Variants in ANKRD17 observed in about 807,000 individuals in gnomAD.
ANKRD17 encodes the protein ankyrin repeat domain-containing protein 17.
In ANKRD17, 19 loss-of-function variants were observed where a neutral mutation model predicts 229.7. That is an observed-to-expected ratio of 0.08 (90% CI 0.06 to 0.12). The LOEUF is 0.12. Among genes scored for constraint, ANKRD17 ranks in the 10% least tolerant of loss-of-function variants. The pLI is 1.00. For missense variants in ANKRD17, 2,176 were observed against 3,176.8 expected (o/e 0.68, Z 7.57); for synonymous variants, 1,112 against 1,146.1 (o/e 0.97, Z 0.60).
Position 73,101,406 on chromosome 4 carries a change from G to A in ANKRD17, c.4573+970C>T, listed in dbSNP as rs189259937. 5.2e-4 allele frequency among the ~76,000 whole-genome samples: 79 copies of A among 152,274 alleles called. 2 individuals are homozygous for A. The East Asian group carries it at 9.3e-3, about 18-fold the overall frequency. ...GTGGCTGGCGCAGTGGCTCATGCCTGTAATCCCAGTACTTTGGGTGGCTGA... is the reference window on the plus strand; with the variant it reads ...GTGGCTGGCGCAGTGGCTCATGCCTATAATCCCAGTACTTTGGGTGGCTGA... On this transcript the variant is annotated intron_variant, in intron 25 of 33. Coordinates refer to ENST00000358602, the MANE Select transcript of ANKRD17 (RefSeq NM_032217.5).
intron 19 of ANKRD17, 40 bp from the exon 20 acceptor site, chr4:73,121,134 A>G (rs1289716088): frequency 2.6e-6 from 4 of 1,511,146 alleles, no homozygotes; most frequent in South Asian, 1.1e-5. Flanking sequence ...GGAAAAATAT[A>G]TATTTTAAAT....
chr4:73,142,446 C>A, intron 12 of ANKRD17, 61 bp from the exon 13 acceptor site: 1 of 1,577,368 alleles, frequency 6.3e-7, no homozygotes, highest in Non-Finnish European at 8.6e-7. Context: ...TTTACAGAAT[C>A]ACTTAGGAAG....
intron 18 of ANKRD17, among the ~76,000 whole-genome samples, chr4:73,124,288 G>GAAAA (rs59284237): frequency 6.2e-5 from 6 of 96,234 alleles, no homozygotes; most frequent in East Asian, 3.0e-4. Flanking sequence ...GACTGAATTT[G>GAAAA]AAAAAAAAAA....
intron 1 of ANKRD17, among the ~76,000 whole-genome samples, chr4:73,252,725 A>G (rs1010744404): frequency 6.6e-6 from 1 of 152,162 alleles, no homozygotes; most frequent in Non-Finnish European, 1.5e-5. Flanking sequence ...TGAAAAGTAA[A>G]TATTTTGAAA....
intron 1 of ANKRD17, among the ~76,000 whole-genome samples, chr4:73,179,517 T>TATAC: frequency 1.1e-5 from 1 of 87,486 alleles, no homozygotes; most frequent in Non-Finnish European, 2.4e-5. Context: ...TATATATATA[T>TATAC]ATTTTTTTTT....
chr4:73,249,766 G>C (rs1744820959), intron 1 of ANKRD17, among the ~76,000 whole-genome samples: 1 of 152,234 alleles, frequency 6.6e-6, no homozygotes, highest in East Asian at 1.9e-4. Context: ...TGAGGCAGAA[G>C]AATCACTTGA....
At chr4:73,139,450 T>C in intron 15 of ANKRD17, 81 bp downstream of exon 15, 2 of 1,505,956 alleles carry the variant, frequency 1.3e-6, no homozygotes, top group Non-Finnish European at 8.9e-7. Context: ...TCAAGTTGGG[T>C]AACGGCAAAA....
intron 1 of ANKRD17, among the ~76,000 whole-genome samples, chr4:73,179,890 G>A (rs868357133): frequency 1.3e-5 from 2 of 151,936 alleles, no homozygotes; most frequent in South Asian, 4.1e-4. Flanking sequence ...CAAAATTATA[G>A]CAGTAAAAAA....
chr4:73,190,127 G>A (rs1467064384), intron 1 of ANKRD17, among the ~76,000 whole-genome samples: 2 of 152,102 alleles, frequency 1.3e-5, no homozygotes, highest in East Asian at 3.9e-4. Flanking sequence ...CTAGCATGTT[G>A]GGAGGCTGAG....
chr4:73,222,790 C>T (rs1742029271), intron 1 of ANKRD17, among the ~76,000 whole-genome samples: 1 of 152,144 alleles, frequency 6.6e-6, no homozygotes, highest in Non-Finnish European at 1.5e-5. Flanking sequence ...TTATAGACGT[C>T]TATAGTAATC....
At chr4:73,127,269 A>G (rs1177625717) in intron 16 of ANKRD17, among the ~76,000 whole-genome samples, 1 of 152,212 alleles carries the variant, frequency 6.6e-6, no homozygotes, top group Non-Finnish European at 1.5e-5. Flanking sequence ...TAAGTCTAAC[A>G]TGCCCAAGTT....
chr4:73,204,524 T>A (rs7688637), intron 1 of ANKRD17, among the ~76,000 whole-genome samples: 98,054 of 151,674 alleles, frequency 0.65, 33,249 homozygotes, highest in African/African-American at 0.86. Context: ...CTATAAAAAA[T>A]TTTTTTAAAG....
intron 1 of ANKRD17, among the ~76,000 whole-genome samples, chr4:73,198,089 T>A (rs1738142802): frequency 6.6e-6 from 1 of 152,084 alleles, no homozygotes; most frequent in African/African-American, 2.4e-5. Flanking sequence ...TTTAAAAAAA[T>A]TATGCCAGGA....
intron 1 of ANKRD17, among the ~76,000 whole-genome samples, chr4:73,195,015 C>T (rs1366448093): frequency 6.6e-6 from 1 of 152,112 alleles, no homozygotes; most frequent in Middle Eastern, 3.2e-3. Flanking sequence ...CGTTGCTAAA[C>T]TCACTGATTA....
chr4:73,113,295 A>T, intron 24 of ANKRD17: 1 of 1,289,322 alleles, frequency 7.8e-7, no homozygotes, highest in Non-Finnish European at 1.0e-6. Context: ...ATAGATGGGA[A>T]TGATGTTGTA....
chr4:73,123,193 A>G (rs1047239556), intron 18 of ANKRD17, among the ~76,000 whole-genome samples: 20 of 152,194 alleles, frequency 1.3e-4, no homozygotes, highest in Middle Eastern at 3.4e-3. Flanking sequence ...TTCTTGACTC[A>G]ATATTGAAAA....
At chr4:73,206,099 A>T (rs1348239681) in intron 1 of ANKRD17, among the ~76,000 whole-genome samples, 1 of 152,190 alleles carries the variant, frequency 6.6e-6, no homozygotes, top group African/African-American at 2.4e-5. Context: ...ATTGGTAAGG[A>T]TGTGGAGAAA....
At chr4:73,115,082 C>T (rs1016849024) in intron 23 of ANKRD17, among the ~76,000 whole-genome samples, 2 of 152,296 alleles carry the variant, frequency 1.3e-5, no homozygotes, top group Non-Finnish European at 2.9e-5. Flanking sequence ...CTAACTTTTA[C>T]ATCACGCTCA....
rs1409318486 is a variant in ANKRD17 at position 73,086,729 on chromosome 4, C to CAGGT, written c.6962-1287_6962-1284dup. ...TCAGCCTCCTGAGTATCTGGGGCTA[C>CAGGT]AGGTGTTCACCATTACACCTAGCTA... On this transcript the variant is annotated intron_variant, in intron 29 of 33. Transcript: ENST00000358602. Among the ~76,000 whole-genome samples, 3 of 150,198 alleles carry CAGGT rather than the reference C, an allele frequency of 2.0e-5. No homozygotes were observed. The East Asian group carries it at 5.9e-4, about 29-fold the overall frequency.
Sources: allele counts gnomAD v4.1 joint callset (sites outside exome capture counted in the v4.1 genomes callset), GRCh38; gene constraint gnomAD v4.1.1; transcripts MANE v1.5; gene names NCBI Gene and HGNC (gene_info 2026-07-23, HGNC 2026-07-21).